Variants in PTPN13 observed in about 807,000 individuals in gnomAD.
The protein encoded by PTPN13 is protein tyrosine phosphatase non-receptor type 13.
A neutral mutation model predicts 284.0 loss-of-function variants in PTPN13; 191 were observed. The observed-to-expected ratio is 0.67, with a 90% CI of 0.60 to 0.76. PTPN13 has a LOEUF of 0.76. Ranked by LOEUF, PTPN13 falls within the 30% of genes least tolerant of loss-of-function variation. The pLI is 0.00. For missense variants in PTPN13, 2,797 were observed against 2,939.9 expected (o/e 0.95, Z 1.12); for synonymous variants, 986 against 1,022.3 (o/e 0.96, Z 0.68).
chr4:86,666,102 TGAA>T (rs1191575806), intron 2 of PTPN13, among the ~76,000 whole-genome samples: 1 of 152,116 alleles, frequency 6.6e-6, no homozygotes, highest in Non-Finnish European at 1.5e-5. Context: ...AATAACTCAC[TGAA>T]GATCACTGTA....
chr4:86,774,582 A>G, intron 33 of PTPN13, 51 bp downstream of exon 33: 1 of 1,468,198 alleles, frequency 6.8e-7, no homozygotes, highest in Non-Finnish European at 9.2e-7. Flanking sequence ...GACAAAGAGC[A>G]AGCCAGAAAA....
At chr4:86,789,662 G>A (rs983647973) in intron 40 of PTPN13, among the ~76,000 whole-genome samples, 3 of 151,480 alleles carry the variant, frequency 2.0e-5, no homozygotes, top group Non-Finnish European at 2.9e-5. Flanking sequence ...GGCTGACCAC[G>A]ATAAAAAAAA....
chr4:86,664,419 A>C (rs1726841068), intron 2 of PTPN13, among the ~76,000 whole-genome samples: 1 of 152,192 alleles, frequency 6.6e-6, no homozygotes, highest in East Asian at 1.9e-4. Flanking sequence ...GTGTGTGGTC[A>C]GCAAAGTCTA....
In PTPN13 at chr4:86,677,318, CTT is replaced by C. The variant is rs1175955514; in HGVS notation, c.294+4789_294+4790del. Among the ~76,000 whole-genome samples the C allele has an allele frequency of 5.9e-3, 821 of 138,526 alleles. 5 individuals are homozygous for C. The highest frequency in any genetic ancestry group is 0.019 in the African/African-American group (716 of 38,144). 90.9% of individuals were successfully genotyped at this position (138,526 alleles called of 152,430 possible). On this transcript the variant is annotated intron_variant, in intron 3 of 47. Coordinates refer to ENST00000411767, the MANE Select transcript of PTPN13 (RefSeq NM_080683.3). ...CTTAAAAATAGATGGTAAATTTAGT[CTT>C]TTTTTTTTTTTTTGAGACGGAGTCT...
chr4:86,634,990 C>T (rs974434183), intron 1 of PTPN13, among the ~76,000 whole-genome samples: 1 of 152,050 alleles, frequency 6.6e-6, no homozygotes, highest in Non-Finnish European at 1.5e-5. Context: ...TTCCTTTTTC[C>T]GTAAAGCAGT....
At chr4:86,803,991 C>G in intron 43 of PTPN13, 134 bp downstream of exon 43, 6 of 899,726 alleles carry the variant, frequency 6.7e-6, no homozygotes, top group Non-Finnish European at 1.0e-5. Context: ...CTTATCATAT[C>G]TAGCAGAAAA....
intron 3 of PTPN13, among the ~76,000 whole-genome samples, chr4:86,672,945 G>A (rs1328010902): frequency 6.6e-6 from 1 of 152,120 alleles, no homozygotes; most frequent in African/African-American, 2.4e-5. Flanking sequence ...TGGGGTGGTG[G>A]GGGAATGGTT....
In PTPN13 at chr4:86,735,703, A is replaced by G. The variant is rs1455705039; in HGVS notation, c.2261A>G (p.Tyr754Cys). 10 of 1,612,032 alleles carry G rather than the reference A, an allele frequency of 6.2e-6. No individual in the cohort carries two copies. Among genetic ancestry groups the G allele is most frequent in the Non-Finnish European group, 5.9e-6 (7 of 1,179,402 alleles). Residue 754 changes from tyrosine (Y) to cysteine (C), a missense_variant, in exon 15 of 48, where the codon TAT (tyrosine) becomes TGT (cysteine). Tyr to Cys is a radical substitution (Grantham distance 194). Coordinates refer to ENST00000411767, the MANE Select transcript of PTPN13 (RefSeq NM_080683.3). ...KEELPKLHNT[Y>C]VGASEKETEL... ...GAGTTACCCAAATTGCATAATACCT[A>G]TGTGGGAGCTTCTGAAAAAGAGACA... is the stretch of plus-strand genomic sequence containing the variant.
chr4:86,648,873 C>T (rs1724754648), intron 2 of PTPN13, among the ~76,000 whole-genome samples: 1 of 152,118 alleles, frequency 6.6e-6, no homozygotes, highest in Non-Finnish European at 1.5e-5. Flanking sequence ...CCCCTTTCTT[C>T]TTATCCTCAC....
chr4:86,595,406 C>A (rs920420147), intron 1 of PTPN13, among the ~76,000 whole-genome samples: 2 of 151,980 alleles, frequency 1.3e-5, no homozygotes, highest in Non-Finnish European at 2.9e-5. Flanking sequence ...TTGCTCATTA[C>A]GTGATACTGT....
At chr4:86,814,133 A>G (rs1244489525) in intron 47 of PTPN13, among the ~76,000 whole-genome samples, 6 of 150,518 alleles carry the variant, frequency 4.0e-5, no homozygotes, top group African/African-American at 1.5e-4. Flanking sequence ...CAGCCTCCCA[A>G]GTAGCTGGGA....
intron 1 of PTPN13, among the ~76,000 whole-genome samples, chr4:86,602,886 A>G (rs1764429717): frequency 1.3e-5 from 2 of 152,074 alleles, no homozygotes; most frequent in East Asian, 1.9e-4. Flanking sequence ...ATTTGTAGAA[A>G]TGGGGTCTCC....
At chr4:86,800,880 A>G (rs1341572635) in intron 42 of PTPN13, among the ~76,000 whole-genome samples, 2 of 152,168 alleles carry the variant, frequency 1.3e-5, no homozygotes, top group Non-Finnish European at 2.9e-5. Flanking sequence ...CAGTTCTGTA[A>G]AAGTTATTTC....
chr4:86,765,466 G>A lies in PTPN13; in HGVS notation c.4221G>A (p.Glu1407=), dbSNP rs1384777179. The change falls in exon 26 of 48, where the codon GAG becomes GAA. Residue 1407 remains glutamate (E), a synonymous_variant. Transcript: ENST00000411767. ...CTGTTATTCCCCAGGGAGCAGCAGA[G>A]TCTGATGGTAGAATTCACAAAGGTA... ...VKAVIPQGAA[E]SDGRIHKGDR... 8 of 1,591,916 alleles carry A rather than the reference G, an allele frequency of 5.0e-6. No individual in the cohort carries two copies. Among genetic ancestry groups the A allele is most frequent in the South Asian group, 3.4e-5 (3 of 87,166 alleles).
chr4:86,771,911 G>A (rs1051206084), intron 31 of PTPN13, among the ~76,000 whole-genome samples: 3 of 152,026 alleles, frequency 2.0e-5, no homozygotes, highest in Non-Finnish European at 4.4e-5. Context: ...GTTTGCAAAA[G>A]GTAAGACAAA....
In PTPN13 at chr4:86,770,227, T is replaced by A. The variant is rs757015043; in HGVS notation, c.4803+28T>A. On this transcript the variant is annotated intron_variant, in intron 30 of 47. Transcript: ENST00000411767. ...GAGACTTATGAAAAGTAATTTACAGTTTTATAGAATATCAACTTAGCAACT... is the reference window on the plus strand; with the variant it reads ...GAGACTTATGAAAAGTAATTTACAGATTTATAGAATATCAACTTAGCAACT... 3.2e-6 allele frequency: 5 copies of A among 1,562,840 alleles called. No individual in the cohort carries two copies. In the Admixed American group the frequency reaches 8.7e-5, roughly 27 times the overall value.
intron 7 of PTPN13, among the ~76,000 whole-genome samples, chr4:86,704,558 A>T (rs966894598): frequency 1.3e-5 from 2 of 152,256 alleles, no homozygotes; most frequent in African/African-American, 2.4e-5. Flanking sequence ...TATATCTGCA[A>T]AGATGATACA....
chr4:86,689,645 C>A (rs79011039), intron 5 of PTPN13: 29,969 of 702,280 alleles, frequency 0.043, 828 homozygotes, highest in African/African-American at 0.074. Context: ...TCTCCACTTT[C>A]CCTTCTTCTC....
chr4:86,737,697 A>T (rs1735682090), intron 15 of PTPN13, among the ~76,000 whole-genome samples: 1 of 151,824 alleles, frequency 6.6e-6, no homozygotes. Flanking sequence ...TATAATATAC[A>T]GTCTTTTATG....
Sources: gnomAD v4.1 joint callset for allele counts (sites outside exome capture counted in the v4.1 genomes callset) on GRCh38, gnomAD v4.1.1 for gene constraint, MANE v1.5 for transcripts, NCBI Gene and HGNC (gene_info 2026-07-23, HGNC 2026-07-21) for gene names.